Variants in DIAPH3 observed in about 807,000 individuals in gnomAD.
DIAPH3 encodes diaphanous related formin 3.
In DIAPH3, 117 loss-of-function variants were observed where a neutral mutation model predicts 144.3. That is an observed-to-expected ratio of 0.81 (90% CI 0.70 to 0.95). DIAPH3 has a LOEUF of 0.95. Ranked by LOEUF, DIAPH3 falls within the 40% of genes least tolerant of loss-of-function variation. The pLI is 0.00. For synonymous variants in DIAPH3, 519 were observed against 488.9 expected (o/e 1.06, Z -0.81); for missense variants, 1,421 against 1,412.7 (o/e 1.01, Z -0.09).
At chr13:60,069,654 T>C (rs1303779352) in intron 4 of DIAPH3, among the ~76,000 whole-genome samples, 1 of 152,166 alleles carries the variant, frequency 6.6e-6, no homozygotes, top group Non-Finnish European at 1.5e-5. Context: ...GATTTTTGTA[T>C]ATGGTGTAAG....
intron 22 of DIAPH3, among the ~76,000 whole-genome samples, chr13:59,852,088 A>G (rs1235380651): frequency 6.6e-6 from 1 of 152,182 alleles, no homozygotes; most frequent in Non-Finnish European, 1.5e-5. Context: ...AAAACTACTA[A>G]TTAACACTAG....
At chr13:60,011,036 T>C (rs2800314) in intron 7 of DIAPH3, among the ~76,000 whole-genome samples, 114,562 of 151,640 alleles carry the variant, frequency 0.76, 43,391 homozygotes, top group Admixed American at 0.81. Context: ...ACCCGAGAGG[T>C]GGACATTGCA....
At chr13:59,810,676 G>T in intron 25 of DIAPH3, 112 bp downstream of exon 25, 1 of 1,175,000 alleles carries the variant, frequency 8.5e-7, no homozygotes, top group South Asian at 1.4e-5. Flanking sequence ...TTTAATTACA[G>T]AAACAAGTGG....
chr13:59,925,815 C>A (rs762134239), intron 17 of DIAPH3, among the ~76,000 whole-genome samples: 1 of 152,058 alleles, frequency 6.6e-6, no homozygotes, highest in Non-Finnish European at 1.5e-5. Flanking sequence ...TGTTGGCAAA[C>A]ATTTGTTCAT....
chr13:59,882,157 C>T (rs545345521), intron 20 of DIAPH3, among the ~76,000 whole-genome samples: 18 of 152,264 alleles, frequency 1.2e-4, no homozygotes, highest in Non-Finnish European at 2.5e-4. Flanking sequence ...GGCACAATCT[C>T]AGCTCACTGC....
chr13:60,055,359 G>A (rs2056514990), intron 4 of DIAPH3, among the ~76,000 whole-genome samples: 2 of 151,800 alleles, frequency 1.3e-5, no homozygotes, highest in Non-Finnish European at 2.9e-5. Flanking sequence ...GTCCTGCATT[G>A]GCCCAGTGCC....
chr13:59,821,421 AT>A (rs2041067299), intron 24 of DIAPH3, among the ~76,000 whole-genome samples: 1 of 152,106 alleles, frequency 6.6e-6, no homozygotes, highest in African/African-American at 2.4e-5. Flanking sequence ...AAACATTTTA[AT>A]TTGGAAAAAA....
chr13:59,883,706 C>T (rs553092328), intron 20 of DIAPH3, among the ~76,000 whole-genome samples: 1 of 152,258 alleles, frequency 6.6e-6, no homozygotes, highest in East Asian at 1.9e-4. Flanking sequence ...AATCAACTGT[C>T]CTTACCACTC....
rs756347856 is a variant in DIAPH3 at position 59,810,768 on chromosome 13, A to G, written c.3163+20T>C. 1 of 1,610,966 alleles carries G rather than the reference A, an allele frequency of 6.2e-7. No individual in the cohort carries two copies. The highest frequency in any genetic ancestry group is 8.5e-7 in the Non-Finnish European group (1 of 1,179,036). ...ATCTTAAGTATACATAGAATAAATA[A>G]CAAATTTGATAGTACTCACCAGTCT... On this transcript the variant is annotated intron_variant, in intron 25 of 27. Coordinates refer to ENST00000400324, the MANE Select transcript of DIAPH3 (RefSeq NM_001042517.2).
At chr13:59,896,612 G>A (rs2046116148) in intron 20 of DIAPH3, among the ~76,000 whole-genome samples, 1 of 151,820 alleles carries the variant, frequency 6.6e-6, no homozygotes, top group South Asian at 2.1e-4. Context: ...CAGGGGGGTC[G>A]GTCCTTGAAC....
intron 21 of DIAPH3, among the ~76,000 whole-genome samples, chr13:59,863,218 T>G (rs577771517): frequency 1.3e-5 from 2 of 152,114 alleles, no homozygotes; most frequent in South Asian, 4.1e-4. Flanking sequence ...ACAGGACTAA[T>G]AGGTAATCTG....
At chr13:59,828,636 A>AAG in intron 24 of DIAPH3, among the ~76,000 whole-genome samples, 1 of 151,076 alleles carries the variant, frequency 6.6e-6, no homozygotes, top group East Asian at 2.0e-4. Context: ...GACCTCAAAA[A>AAG]AAAAAAAAAA....
chr13:59,839,426 C>A lies in DIAPH3; in HGVS notation c.2760G>T (p.Lys920Asn). 2 of 1,613,556 alleles carry A rather than the reference C, an allele frequency of 1.2e-6. No homozygotes were observed. Among genetic ancestry groups the A allele is most frequent in the South Asian group, 1.1e-5 (1 of 91,068 alleles). ...GCTGCCTTCCCATCTGCCTCAAATTCTTTTCCAGCGTTTCTACAGAGACTA... is the reference window on the plus strand; with the variant it reads ...GCTGCCTTCCCATCTGCCTCAAATTATTTTCCAGCGTTTCTACAGAGACTA... Reference protein sequence around the residue: ...ASKVSVETLEKNLRQMGRQLQ... With the variant: ...ASKVSVETLENNLRQMGRQLQ... Residue 920 changes from lysine (K) to asparagine (N), a missense_variant, in exon 23 of 28, where the codon AAG becomes AAT. Transcript: ENST00000400324.
At chr13:60,127,954 T>C (rs566125339) in intron 2 of DIAPH3, among the ~76,000 whole-genome samples, 1 of 152,270 alleles carries the variant, frequency 6.6e-6, no homozygotes, top group East Asian at 1.9e-4. Flanking sequence ...GTTTGTTATA[T>C]AGATAAACTC....
chr13:59,999,787 C>G (rs537221141), intron 9 of DIAPH3, among the ~76,000 whole-genome samples: 97 of 152,202 alleles, frequency 6.4e-4, no homozygotes, highest in Non-Finnish European at 9.7e-4. Context: ...TTGAGTTTGA[C>G]AGTTCTCCCA....
At chr13:59,843,555 G>A (rs762902229) in intron 22 of DIAPH3, among the ~76,000 whole-genome samples, 39 of 152,266 alleles carry the variant, frequency 2.6e-4, no homozygotes, top group Admixed American at 1.1e-3. Context: ...GGATCTCACC[G>A]CGTATTTTTA....
chr13:59,898,240 T>G (rs1036635018), intron 20 of DIAPH3, among the ~76,000 whole-genome samples: 1 of 151,498 alleles, frequency 6.6e-6, no homozygotes. Flanking sequence ...ACTACACACA[T>G]GCATGCTCTC....
chr13:59,690,865 A>G (rs1259326825), intron 27 of DIAPH3, among the ~76,000 whole-genome samples: 1 of 152,198 alleles, frequency 6.6e-6, no homozygotes, highest in Non-Finnish European at 1.5e-5. Flanking sequence ...AGGCACTCAT[A>G]TCTATCAGAG....
intron 4 of DIAPH3, among the ~76,000 whole-genome samples, chr13:60,048,114 G>T (rs1402061733): frequency 1.3e-5 from 2 of 152,202 alleles, no homozygotes; most frequent in Non-Finnish European, 2.9e-5. Context: ...AAGCTTGGGG[G>T]ATTCACCATT....
Sources: allele counts gnomAD v4.1 joint callset (sites outside exome capture counted in the v4.1 genomes callset), GRCh38; gene constraint gnomAD v4.1.1; transcripts MANE v1.5; gene names NCBI Gene and HGNC (gene_info 2026-07-23, HGNC 2026-07-21).